Variants in ATG7 observed in about 807,000 individuals in gnomAD.
The protein encoded by ATG7 is ubiquitin-like modifier-activating enzyme ATG7.
Under a neutral mutation model 82.4 loss-of-function variants are expected in ATG7, and 70 were observed. The ratio of observed to expected loss-of-function variants is 0.85; its 90% CI spans 0.70 to 1.04. ATG7 has a LOEUF of 1.04. Ranked by LOEUF, ATG7 falls within the 50% of genes least tolerant of loss-of-function variation. ATG7 has a pLI of 0.00. For missense variants in ATG7, 792 were observed against 864.3 expected (o/e 0.92, Z 1.05); for synonymous variants, 287 against 313.0 (o/e 0.92, Z 0.88).
intron 20 of ATG7, among the ~76,000 whole-genome samples, chr3:11,527,226 T>C (rs2092605176): frequency 6.6e-6 from 1 of 151,964 alleles, no homozygotes. Flanking sequence ...TGCCTTAGCC[T>C]CCTGAGTAGC....
At chr3:11,312,146 CT>C in intron 7 of ATG7, among the ~76,000 whole-genome samples, 1 of 151,982 alleles carries the variant, frequency 6.6e-6, no homozygotes, top group East Asian at 1.9e-4. Flanking sequence ...AAATTGTATA[CT>C]TTTTAACATG....
At chr3:11,324,038 C>T (rs1490589493) in intron 9 of ATG7, among the ~76,000 whole-genome samples, 1 of 152,200 alleles carries the variant, frequency 6.6e-6, no homozygotes, top group Non-Finnish European at 1.5e-5. Flanking sequence ...GCAGACTGAT[C>T]ATGACTGAAT....
chr3:11,527,132 T>A (rs1269857346), intron 20 of ATG7, among the ~76,000 whole-genome samples: 1 of 150,698 alleles, frequency 6.6e-6, no homozygotes, highest in African/African-American at 2.4e-5. Context: ...TGAGGTGGAG[T>A]CTCACTCTGT....
At chr3:11,397,797 A>C (rs149904574) in intron 19 of ATG7, among the ~76,000 whole-genome samples, 3,747 of 144,918 alleles carry the variant, frequency 0.026, 149 homozygotes, top group African/African-American at 0.086. Context: ...AATTTTAATG[A>C]ATCGGCTGGG....
chr3:11,273,971 T>C (rs751308607), intron 1 of ATG7, among the ~76,000 whole-genome samples: 1 of 152,138 alleles, frequency 6.6e-6, no homozygotes, highest in Admixed American at 6.5e-5. Flanking sequence ...CTAAACTGCT[T>C]TCCCATCCCC....
chr3:11,567,028 C>CT, the ATG7 span, among the ~76,000 whole-genome samples: 1 of 152,176 alleles, frequency 6.6e-6, no homozygotes, highest in South Asian at 2.1e-4. Flanking sequence ...TAGATGGACC[C>CT]TGCGGCCCAG....
chr3:11,533,251 A>G (rs1287408077), intron 20 of ATG7, among the ~76,000 whole-genome samples: 1 of 152,120 alleles, frequency 6.6e-6, no homozygotes, highest in Non-Finnish European at 1.5e-5. Flanking sequence ...TTTCATCATC[A>G]CCGTGAGTGT....
At chr3:11,469,495 T>C (rs1157916010) in intron 20 of ATG7, among the ~76,000 whole-genome samples, 1 of 151,942 alleles carries the variant, frequency 6.6e-6, no homozygotes, top group Non-Finnish European at 1.5e-5. Flanking sequence ...CAAACCTACC[T>C]ATTAGTCCAC....
chr3:11,574,425 G>C, the ATG7 span, among the ~76,000 whole-genome samples: 1 of 152,274 alleles, frequency 6.6e-6, no homozygotes, highest in East Asian at 1.9e-4. Flanking sequence ...ACAGAGACCA[G>C]AGCTGGGCAG....
At chr3:11,451,237 T>C (rs2085097368) in intron 20 of ATG7, among the ~76,000 whole-genome samples, 1 of 146,858 alleles carries the variant, frequency 6.8e-6, no homozygotes, top group Non-Finnish European at 1.5e-5. Flanking sequence ...TTTTGAGATC[T>C]ATATCACTCT....
At chr3:11,405,870 T>C (rs1390214489) in intron 19 of ATG7, among the ~76,000 whole-genome samples, 1 of 152,132 alleles carries the variant, frequency 6.6e-6, no homozygotes, top group East Asian at 1.9e-4. Context: ...TCCACCGCCT[T>C]GGCCTCCCAA....
rs184219143 is a variant in ATG7, at chr3:11,341,303, A to G, written c.980+568A>G. Among the ~76,000 whole-genome samples, 731 of 151,708 alleles carry G rather than the reference A, an allele frequency of 4.8e-3. 6 individuals are homozygous for G. The highest frequency in any genetic ancestry group is 0.017 in the African/African-American group (701 of 41,336). The stretch of plus-strand genomic sequence containing the variant: ...ACTCGAACTCCTGACCTCGTGATCC[A>G]CCTGCCTCGGCCTCCCAAAGTGCTG... On this transcript the variant is annotated intron_variant, in intron 12 of 20. Coordinates refer to ENST00000693202, the MANE Select transcript of ATG7 (RefSeq NM_001349232.2).
intron 20 of ATG7, among the ~76,000 whole-genome samples, chr3:11,534,339 A>G (rs2092749178): frequency 6.6e-6 from 1 of 152,248 alleles, no homozygotes; most frequent in African/African-American, 2.4e-5. Context: ...AGGTAGGGAC[A>G]CCAGCTTGCC....
At chr3:11,549,524 CTTCCT>C (rs2071583403) in intron 20 of ATG7, among the ~76,000 whole-genome samples, 1 of 152,206 alleles carries the variant, frequency 6.6e-6, no homozygotes, top group Non-Finnish European at 1.5e-5. Context: ...TCCAGTTGGG[CTTCCT>C]TGACCCAGGA....
chr3:11,385,185 A>G (rs1328550221), intron 19 of ATG7, among the ~76,000 whole-genome samples: 1 of 152,004 alleles, frequency 6.6e-6, no homozygotes, highest in Non-Finnish European at 1.5e-5. Context: ...GTGCGCCACC[A>G]CACCCAGCTA....
chr3:11,501,739 G>T (rs992588860), intron 20 of ATG7, among the ~76,000 whole-genome samples: 1 of 152,094 alleles, frequency 6.6e-6, no homozygotes, highest in Non-Finnish European at 1.5e-5. Flanking sequence ...GCCCAGGCTG[G>T]AGTGCAGTGG....
At chr3:11,302,415 G>C (rs2606762) in intron 5 of ATG7, among the ~76,000 whole-genome samples, 79,818 of 151,848 alleles carry the variant, frequency 0.53, 21,978 homozygotes, top group East Asian at 0.63. Flanking sequence ...CCCCATTTTT[G>C]TTTTGATTGC....
intron 19 of ATG7, among the ~76,000 whole-genome samples, chr3:11,390,511 C>T (rs2078711404): frequency 6.6e-6 from 1 of 152,200 alleles, no homozygotes; most frequent in Non-Finnish European, 1.5e-5. Context: ...GCAGTCCCAA[C>T]AAATGGACCC....
intron 19 of ATG7, among the ~76,000 whole-genome samples, chr3:11,381,725 T>A (rs2077914639): frequency 6.6e-6 from 1 of 152,252 alleles, no homozygotes; most frequent in Admixed American, 6.5e-5. Flanking sequence ...ACAAACTGAC[T>A]TGGATTTTAA....
Sources: allele counts gnomAD v4.1 joint callset (sites outside exome capture counted in the v4.1 genomes callset), GRCh38; gene constraint gnomAD v4.1.1; transcripts MANE v1.5; gene names NCBI Gene and HGNC (gene_info 2026-07-23, HGNC 2026-07-21).